The following SLC6A13 variants were observed in gnomAD, a reference collection of about 807,000 sequenced individuals.
The protein encoded by SLC6A13 is solute carrier family 6 member 13.
In SLC6A13, 69 loss-of-function variants were observed where a neutral mutation model predicts 72.9. That is an observed-to-expected ratio of 0.95 (90% confidence interval 0.78 to 1.16). SLC6A13 has a LOEUF of 1.16. SLC6A13 is among the 50% of genes most tolerant of loss of function. SLC6A13 has a pLI of 0.00. For synonymous variants in SLC6A13, 303 were observed against 303.0 expected, an observed-to-expected ratio of 1.00 and a Z score of 0.00; for missense variants, 735 against 760.5, an observed-to-expected ratio of 0.97 and a Z score of 0.39.
chr12:244,985 C>T (rs2137300639), intron 2 of SLC6A13, among the ~76,000 whole-genome samples: 2 of 151,866 alleles, frequency 1.3e-5, no homozygotes, highest in Middle Eastern at 6.8e-3. Flanking sequence ...CTGGTATTTT[C>T]CCTACCATGG....
intron 7 of SLC6A13, among the ~76,000 whole-genome samples, chr12:231,458 A>G (rs1295310491): frequency 6.6e-6 from 1 of 152,178 alleles, no homozygotes; most frequent in Non-Finnish European, 1.5e-5. Flanking sequence ...ACTAGATTCA[A>G]TTAGGGCTCT....
At position 227,604 on chromosome 12, in the gene SLC6A13, G is replaced by A. The variant is rs1941516298; in HGVS notation, c.896C>T (p.Ala299Val). The change falls in exon 8 of 15, where the codon GCC becomes GTC. Residue 299 changes from alanine (A) to valine (V), a missense_variant. Transcript: ENST00000343164. ...GTGGTACTTGTTGTAGCTGCCCAGG[G>A]CTGTCAGGCACCCAAGACAGATGGC... ...SFAICLGCLT[A>V]LGSYNKYHNN... is the part of the protein sequence containing the mutation. The A allele has an allele frequency of 6.2e-7, 1 of 1,613,972 alleles. No homozygotes were observed. The highest frequency in any genetic ancestry group is 8.5e-7 in the Non-Finnish European group (1 of 1,179,892).
At chr12:246,763 T>C (rs1349264652) in intron 2 of SLC6A13, among the ~76,000 whole-genome samples, 2 of 152,006 alleles carry the variant, frequency 1.3e-5, no homozygotes, top group Non-Finnish European at 2.9e-5. Context: ...ATCCCCGCAT[T>C]TTGGGAAGCC....
Position 221,056 on chromosome 12 carries a change from G to A in SLC6A13, c.1701C>T (p.Leu567=), listed in dbSNP as rs770455039. 1.9e-6 allele frequency: 3 copies of A among 1,607,238 alleles called. No homozygotes were observed. Among genetic ancestry groups the A allele is most frequent in the Non-Finnish European group, 2.5e-6 (3 of 1,177,804 alleles). Residue 567 remains leucine, a synonymous_variant, in exon 15 of 15, where the codon CTC becomes CTT. Coordinates refer to ENST00000343164, the MANE Select transcript of SLC6A13 (RefSeq NM_016615.5). ...KGPFRERIRQ[L]MCPAEDLPQR... ...GGGGCAGGTCCTCGGCTGGGCACAT[G>A]AGCTGACGGATTCTCTGCGGGGATA...
chr12:248,215 T>C lies in SLC6A13; in HGVS notation c.203-4402A>G, dbSNP rs569099225. On this transcript the variant is annotated intron_variant, in intron 2 of 14. Transcript: ENST00000343164. ...TAAAACCTGACAAGACTCAACTATA[T>C]GCTGCCTTAAGAAAATGCACTTTGA... 3.3e-5 allele frequency among the ~76,000 whole-genome samples: 5 copies of C among 152,136 alleles called. No individual in the cohort carries two copies. The South Asian group carries it at 1.0e-3, about 32-fold the overall frequency.
intron 2 of SLC6A13, 84 bp downstream of exon 2, chr12:259,767 C>T (rs759892958): frequency 2.1e-5 from 34 of 1,613,634 alleles, no homozygotes; most frequent in Non-Finnish European, 2.7e-5. Flanking sequence ...ATCTATGGGA[C>T]TCCCCAGAGG....
At chr12:251,373 G>A (rs572094796) in intron 2 of SLC6A13, among the ~76,000 whole-genome samples, 1 of 152,172 alleles carries the variant, frequency 6.6e-6, no homozygotes, top group South Asian at 2.1e-4. Context: ...TTGGAAATAG[G>A]ATAGTCTTTT....
intron 7 of SLC6A13, among the ~76,000 whole-genome samples, chr12:234,599 C>T (rs1338092048): frequency 2.0e-5 from 3 of 152,120 alleles, no homozygotes. Context: ...CTCACTGCAA[C>T]CTTCGCCTCC....
At chr12:240,506 A>G (rs926003222) in intron 4 of SLC6A13, among the ~76,000 whole-genome samples, 5 of 152,254 alleles carry the variant, frequency 3.3e-5, no homozygotes, top group Non-Finnish European at 7.3e-5. Context: ...CCCCCAGACT[A>G]ATTATAATAA....
chr12:244,470 C>T (rs1446325370), intron 2 of SLC6A13, among the ~76,000 whole-genome samples: 1 of 152,060 alleles, frequency 6.6e-6, no homozygotes, highest in African/African-American at 2.4e-5. Context: ...GGGAGGATCG[C>T]TTGAGCCCAG....
chr12:235,281 G>A (rs1217528910), intron 6 of SLC6A13, 57 bp from the exon 7 acceptor site: 3 of 1,593,844 alleles, frequency 1.9e-6, no homozygotes, highest in East Asian at 4.5e-5. Flanking sequence ...AGCAGGGGCA[G>A]GAGGCAGGGG....
intron 8 of SLC6A13, 128 bp from the exon 9 acceptor site, chr12:226,642 A>T: frequency 8.3e-7 from 1 of 1,208,856 alleles, no homozygotes; most frequent in African/African-American, 1.5e-5. Flanking sequence ...CGGACGCCGG[A>T]GCAGGGCTAC....
chr12:234,542 G>C (rs1296773703), intron 7 of SLC6A13, among the ~76,000 whole-genome samples: 1 of 151,666 alleles, frequency 6.6e-6, no homozygotes, highest in Non-Finnish European at 1.5e-5. Flanking sequence ...TTTAGAGACA[G>C]AGTCTCACTC....
chr12:249,055 G>C (rs1379575489), intron 2 of SLC6A13, among the ~76,000 whole-genome samples: 1 of 152,166 alleles, frequency 6.6e-6, no homozygotes. Context: ...GTAATCAAAA[G>C]AGAAATTAGA....
chr12:260,899 A>C (rs1045502958), intron 1 of SLC6A13, among the ~76,000 whole-genome samples: 1 of 152,222 alleles, frequency 6.6e-6, no homozygotes, highest in African/African-American at 2.4e-5. Flanking sequence ...TTACTTTTGT[A>C]ATATAAAAAT....
chr12:260,554 G>T (rs1340661983), intron 1 of SLC6A13, among the ~76,000 whole-genome samples: 3 of 152,170 alleles, frequency 2.0e-5, no homozygotes, highest in Non-Finnish European at 4.4e-5. Context: ...TGTAGCATTA[G>T]GATATTTATT....
intron 2 of SLC6A13, among the ~76,000 whole-genome samples, chr12:246,662 C>T (rs1092214): frequency 0.99 from 150,128 of 152,356 alleles, 73,986 homozygotes; most frequent in East Asian, 1. Context: ...AAGAAAAGAT[C>T]AGTGACCTTG....
intron 2 of SLC6A13, among the ~76,000 whole-genome samples, chr12:251,099 T>C (rs1335566161): frequency 6.7e-6 from 1 of 149,540 alleles, no homozygotes; most frequent in African/African-American, 2.5e-5. Flanking sequence ...GAGCTTGCAA[T>C]GAGCTGAGAT....
At chr12:227,497 G>A (rs568789015) in intron 8 of SLC6A13, 68 bp downstream of exon 8, 26 of 1,603,260 alleles carry the variant, frequency 1.6e-5, no homozygotes, top group South Asian at 4.5e-5. Context: ...ACTCACCCTC[G>A]TCTAGCGTGG....
Sources: gnomAD v4.1 joint callset for allele counts (sites outside exome capture counted in the v4.1 genomes callset) on GRCh38, gnomAD v4.1.1 for gene constraint, MANE v1.5 for transcripts, NCBI Gene and HGNC (gene_info 2026-07-23, HGNC 2026-07-21) for gene names.